Variants in FARS2 observed in about 807,000 individuals in gnomAD.
FARS2 encodes phenylalanyl-tRNA synthetase 2, mitochondrial.
FARS2 carries 40 observed loss-of-function variants against 46.4 expected under a neutral mutation model. The ratio of observed to expected loss-of-function variants is 0.86; its 90% CI spans 0.67 to 1.12. The LOEUF is 1.12. Ranked by LOEUF, FARS2 falls within the 50% of genes most tolerant of loss-of-function variation. FARS2 has a pLI of 0.00. For missense variants in FARS2, 513 were observed against 567.9 expected (o/e 0.90, Z 0.98); for synonymous variants, 234 against 214.9 (o/e 1.09, Z -0.78).
chr6:5,457,883 G>C (rs1764990081), intron 4 of FARS2: 1 of 152,230 alleles, frequency 6.6e-6, no homozygotes, highest in South Asian at 2.1e-4. Context: ...CCACTCAGGA[G>C]TATTTCCTAC....
intron 5 of FARS2, among the ~76,000 whole-genome samples, chr6:5,601,387 G>A (rs1774504093): frequency 2.6e-5 from 4 of 152,014 alleles, no homozygotes; most frequent in Non-Finnish European, 5.9e-5. Context: ...AGCCAGGCAT[G>A]GTGGCGGGCG....
chr6:5,328,046 A>G (rs1770522899), intron 1 of FARS2, among the ~76,000 whole-genome samples: 1 of 152,228 alleles, frequency 6.6e-6, no homozygotes, highest in Non-Finnish European at 1.5e-5. Flanking sequence ...GTTGTCAAAC[A>G]GTAAAAGAGT....
intron 3 of FARS2, among the ~76,000 whole-genome samples, chr6:5,425,686 C>T (rs1762807424): frequency 6.6e-6 from 1 of 152,188 alleles, no homozygotes; most frequent in East Asian, 1.9e-4. Context: ...TATACCTCTT[C>T]CATTTGGGCT....
intron 1 of FARS2, among the ~76,000 whole-genome samples, chr6:5,308,925 A>G (rs1214097237): frequency 6.6e-6 from 1 of 152,206 alleles, no homozygotes; most frequent in Non-Finnish European, 1.5e-5. Context: ...CTGTATCATT[A>G]TAGAAGAGGC....
chr6:5,689,585 C>A (rs528941401), intron 6 of FARS2, among the ~76,000 whole-genome samples: 3 of 152,214 alleles, frequency 2.0e-5, no homozygotes, highest in South Asian at 2.1e-4. Flanking sequence ...AATTTCTGTT[C>A]TTTTACATTT....
Position 5,368,735 on chromosome 6 carries a change from C to T in FARS2, c.165C>T (p.Gly55=). 6.2e-7 allele frequency: 1 copy of T among 1,614,128 alleles called. No individual in the cohort carries two copies. Among genetic ancestry groups the T allele is most frequent in the South Asian group, 1.1e-5 (1 of 91,078 alleles). ...CAGGCAGTGTGGTGGAGCTGCTGGG[C>T]AAATCCTACCCTCAGGACGACCACA... ...RAPGSVVELL[G]KSYPQDDHSN... The change falls in exon 2 of 7, where the codon GGC becomes GGT. Residue 55 remains glycine (G), a synonymous_variant. Coordinates refer to ENST00000274680, the MANE Select transcript of FARS2 (RefSeq NM_006567.5).
intron 2 of FARS2, among the ~76,000 whole-genome samples, chr6:5,373,086 T>C (rs553196680): frequency 1.3e-5 from 2 of 152,150 alleles, no homozygotes; most frequent in Non-Finnish European, 2.9e-5. Context: ...GAAGTCACAA[T>C]GAACAGCTAG....
At chr6:5,350,279 G>T (rs916003869) in intron 1 of FARS2, among the ~76,000 whole-genome samples, 1 of 151,218 alleles carries the variant, frequency 6.6e-6, no homozygotes, top group Non-Finnish European at 1.5e-5. Context: ...AAGTGCTGGG[G>T]TTATAGGCAT....
intron 1 of FARS2, among the ~76,000 whole-genome samples, chr6:5,318,814 G>A (rs1020329440): frequency 6.6e-6 from 1 of 152,120 alleles, no homozygotes; most frequent in African/African-American, 2.4e-5. Context: ...TTGGTTGCAG[G>A]AGGGGACCAA....
chr6:5,601,914 G>A (rs1055578210), intron 5 of FARS2, among the ~76,000 whole-genome samples: 1 of 152,166 alleles, frequency 6.6e-6, no homozygotes, highest in Non-Finnish European at 1.5e-5. Flanking sequence ...TTAACTAAAC[G>A]TGGCCATGGT....
intron 3 of FARS2, among the ~76,000 whole-genome samples, chr6:5,416,757 T>G (rs1762262317): frequency 6.6e-6 from 1 of 152,208 alleles, no homozygotes; most frequent in Non-Finnish European, 1.5e-5. Flanking sequence ...TCCTTTGTCT[T>G]ATGAGGGGTA....
At chr6:5,514,143 T>C (rs975421849) in intron 4 of FARS2, among the ~76,000 whole-genome samples, 5 of 151,848 alleles carry the variant, frequency 3.3e-5, no homozygotes, top group Non-Finnish European at 7.4e-5. Context: ...CCAGATGTGT[T>C]GTAGTTTAAA....
chr6:5,298,700 A>G (rs1179273404), intron 1 of FARS2, among the ~76,000 whole-genome samples: 1 of 152,104 alleles, frequency 6.6e-6, no homozygotes, highest in Non-Finnish European at 1.5e-5. Flanking sequence ...TGCCATCAAG[A>G]TGTGGGACCA....
Position 5,644,145 on chromosome 6 carries a change from C to T in FARS2, c.1217+30825C>T, listed in dbSNP as rs75620425. ...CAGCACCATCACCACCTAGCCATAG[C>T]GCAGCCATCCTTGGCAGTTTCCTTC... On this transcript the variant is annotated intron_variant, in intron 6 of 6. Coordinates refer to ENST00000274680, the MANE Select transcript of FARS2 (RefSeq NM_006567.5). Among the ~76,000 whole-genome samples the T allele has an allele frequency of 6.0e-3, 909 of 152,250 alleles. 8 individuals carry two copies. Among genetic ancestry groups the T allele is most frequent in the Non-Finnish European group, 1.0e-2 (678 of 68,008 alleles).
At chr6:5,360,073 T>C (rs1402052743) in intron 1 of FARS2, among the ~76,000 whole-genome samples, 2 of 152,208 alleles carry the variant, frequency 1.3e-5, no homozygotes, top group Admixed American at 6.5e-5. Flanking sequence ...TAATTGAGTC[T>C]AAATGGATGA....
chr6:5,268,030 G>A (rs1170632224), intron 1 of FARS2, among the ~76,000 whole-genome samples: 1 of 151,862 alleles, frequency 6.6e-6, no homozygotes, highest in Non-Finnish European at 1.5e-5. Context: ...CATATCCTTC[G>A]CCCACTTTTT....
chr6:5,556,907 GTA>G (rs1021882167), intron 5 of FARS2, among the ~76,000 whole-genome samples: 42 of 152,060 alleles, frequency 2.8e-4, no homozygotes, highest in African/African-American at 9.9e-4. Context: ...CAAATTAGGT[GTA>G]ATATATTTTA....
intron 6 of FARS2, among the ~76,000 whole-genome samples, chr6:5,651,007 A>G (rs1050977278): frequency 2.6e-5 from 4 of 152,256 alleles, no homozygotes; most frequent in African/African-American, 9.6e-5. Flanking sequence ...TTTTGATTAA[A>G]GATGGCAGAT....
chr6:5,333,168 T>G (rs1770918027), intron 1 of FARS2, among the ~76,000 whole-genome samples: 1 of 152,226 alleles, frequency 6.6e-6, no homozygotes, highest in South Asian at 2.1e-4. Context: ...TAAAAGATTT[T>G]GGGAACAGTC....
Sources: gnomAD v4.1 joint callset for allele counts (sites outside exome capture counted in the v4.1 genomes callset) on GRCh38, gnomAD v4.1.1 for gene constraint, MANE v1.5 for transcripts, NCBI Gene and HGNC (gene_info 2026-07-23, HGNC 2026-07-21) for gene names.